FUT9: variants seen among roughly 807,000 people sequenced by gnomAD.
The protein encoded by FUT9 is fucosyltransferase 9.
A neutral mutation model predicts 29.7 loss-of-function variants in FUT9; 15 were observed. The ratio of observed to expected loss-of-function variants is 0.51; its 90% confidence interval spans 0.34 to 0.78. The LOEUF (loss-of-function observed/expected upper bound fraction) is 0.78, where lower values mean the gene tolerates loss of function less well. Ranked by LOEUF, FUT9 falls within the 30% of genes least tolerant of loss-of-function variation. FUT9 has a pLI of 0.01. For synonymous variants in FUT9, 169 were observed against 153.7 expected (o/e 1.10, Z -0.74); for missense variants, 319 against 425.4 (o/e 0.75, Z 2.20).
chr6:96,092,923 G>A (rs1771435326), intron 1 of FUT9, among the ~76,000 whole-genome samples: 1 of 151,838 alleles, frequency 6.6e-6, no homozygotes, highest in African/African-American at 2.4e-5. Flanking sequence ...ACCATGCCTG[G>A]CTAATTAAAA....
intron 2 of FUT9, among the ~76,000 whole-genome samples, chr6:96,183,536 T>C (rs1208793599): frequency 6.6e-6 from 1 of 152,092 alleles, no homozygotes; most frequent in African/African-American, 2.4e-5. Flanking sequence ...TCAGAGGGAA[T>C]GCTTTCAATT....
At chr6:96,021,455 G>T (rs1175010976) in intron 1 of FUT9, among the ~76,000 whole-genome samples, 1 of 151,958 alleles carries the variant, frequency 6.6e-6, no homozygotes, top group Non-Finnish European at 1.5e-5. Flanking sequence ...TACCTTTTAA[G>T]AAACTTAAAT....
rs1014557898 is a variant in FUT9, at chr6:96,211,120, G to A, written c.*6885G>A. On this transcript the variant is annotated 3_prime_UTR_variant, in exon 3 of 3. Coordinates refer to ENST00000302103, the MANE Select transcript of FUT9 (RefSeq NM_006581.4). ...CCGAAGGAACAACATTCAGCAAAAC[G>A]GAAACAAATAAATACAGCATGGAAG... 6.0e-6 allele frequency: 1 copy of A among 166,670 alleles called. No homozygotes were observed. The highest frequency in any genetic ancestry group is 2.4e-5 in the African/African-American group (1 of 41,352). The allele number at this position is 166,670 out of a possible 1,614,324, so 10.3% of individuals were successfully genotyped here.
chr6:96,174,565 T>A (rs1738027712), intron 2 of FUT9, among the ~76,000 whole-genome samples: 2 of 152,078 alleles, frequency 1.3e-5, no homozygotes, highest in South Asian at 4.2e-4. Flanking sequence ...CCTACCAGGA[T>A]TTTTCTTCTG....
rs1554193305 is a variant in FUT9, at chr6:96,110,815, C to CTATTTATTTATTTATT, written c.-97-3214_-97-3199dup. On this transcript the variant is annotated intron_variant, in intron 1 of 2. Coordinates refer to ENST00000302103, the MANE Select transcript of FUT9 (RefSeq NM_006581.4). ...GGACTACAGGTATGCACAAATGTGC[C>CTATTTATTTATTTATT]TATTTATTTATTTATTTATTTATTT... Among the ~76,000 whole-genome samples the CTATTTATTTATTTATT allele has an allele frequency of 1.0e-3, 145 of 145,152 alleles. 1 individual carries two copies. In the Middle Eastern group the frequency reaches 0.01, roughly 10 times the overall value.
chr6:96,139,747 GC>G (rs1772426885), intron 2 of FUT9, among the ~76,000 whole-genome samples: 1 of 152,138 alleles, frequency 6.6e-6, no homozygotes. Flanking sequence ...TGAAGCAACA[GC>G]CTGAGTTGTA....
intron 1 of FUT9, among the ~76,000 whole-genome samples, chr6:96,061,973 G>A (rs1298206894): frequency 1.3e-5 from 2 of 152,060 alleles, no homozygotes; most frequent in African/African-American, 2.4e-5. Flanking sequence ...TCCATACTTT[G>A]GAAGTCAATT....
At chr6:96,077,370 A>G (rs951786491) in intron 1 of FUT9, among the ~76,000 whole-genome samples, 2 of 151,988 alleles carry the variant, frequency 1.3e-5, no homozygotes, top group African/African-American at 4.8e-5. Context: ...ATACAACTTC[A>G]TGTTGTTCTT....
intron 2 of FUT9, among the ~76,000 whole-genome samples, chr6:96,195,849 T>TAGTGAAATATCATATTTC (rs1773615059): frequency 6.6e-6 from 1 of 152,174 alleles, no homozygotes; most frequent in African/African-American, 2.4e-5. Flanking sequence ...CCTGTACTAA[T>TAGTGAAATATCATATTTC]ACTATGATAG....
intron 2 of FUT9, among the ~76,000 whole-genome samples, chr6:96,168,272 G>T (rs1459866095): frequency 6.6e-6 from 1 of 152,174 alleles, no homozygotes; most frequent in Admixed American, 6.5e-5. Context: ...GAGTTCAGGA[G>T]TGATCTGCTC....
chr6:96,044,939 T>C (rs1770537165), intron 1 of FUT9, among the ~76,000 whole-genome samples: 1 of 152,198 alleles, frequency 6.6e-6, no homozygotes, highest in Admixed American at 6.5e-5. Flanking sequence ...CTACCCATCA[T>C]ATAAATATTT....
chr6:96,152,271 A>C (rs965898086), intron 2 of FUT9, among the ~76,000 whole-genome samples: 6 of 152,200 alleles, frequency 3.9e-5, no homozygotes, highest in African/African-American at 1.4e-4. Context: ...CAGCCCAGAC[A>C]TAATCCCTGA....
chr6:96,113,255 T>C (rs1378523372), intron 1 of FUT9, among the ~76,000 whole-genome samples: 1 of 152,118 alleles, frequency 6.6e-6, no homozygotes, highest in East Asian at 1.9e-4. Context: ...TAACTTTTTT[T>C]TGAGACAGAG....
chr6:96,030,921 G>A (rs928492338), intron 1 of FUT9, among the ~76,000 whole-genome samples: 6 of 151,492 alleles, frequency 4.0e-5, no homozygotes, highest in Admixed American at 2.0e-4. Flanking sequence ...GGTTTCGAAG[G>A]GTTAGGGTGG....
chr6:96,182,904 T>C (rs564927893), intron 2 of FUT9, among the ~76,000 whole-genome samples: 2 of 151,998 alleles, frequency 1.3e-5, no homozygotes, highest in African/African-American at 2.4e-5. Flanking sequence ...TTTTGCTTAG[T>C]CTTGCTTCCG....
At chr6:96,018,738 T>C (rs1041112161) in intron 1 of FUT9, among the ~76,000 whole-genome samples, 1 of 152,058 alleles carries the variant, frequency 6.6e-6, no homozygotes, top group Admixed American at 6.6e-5. Context: ...TTGCCATTGG[T>C]TGAATGTTCC....
At chr6:96,090,798 A>G (rs887330094) in intron 1 of FUT9, among the ~76,000 whole-genome samples, 1 of 152,042 alleles carries the variant, frequency 6.6e-6, no homozygotes, top group Non-Finnish European at 1.5e-5. Context: ...TCATATTTGT[A>G]TGTAATTTAA....
chr6:96,130,087 G>A (rs1004432865), intron 2 of FUT9, among the ~76,000 whole-genome samples: 2 of 152,046 alleles, frequency 1.3e-5, no homozygotes, highest in Non-Finnish European at 2.9e-5. Context: ...AGGTGGGAGA[G>A]GGGGTACGAA....
chr6:96,055,616 TTGTTTCTTTATGG>T (rs1166487598), intron 1 of FUT9, among the ~76,000 whole-genome samples: 1 of 151,894 alleles, frequency 6.6e-6, no homozygotes. Context: ...GTTGTACCGG[TTGTTTCTTTATGG>T]TGTGGTCTGT....
Sources: gnomAD v4.1 joint callset for allele counts (sites outside exome capture counted in the v4.1 genomes callset) on GRCh38, gnomAD v4.1.1 for gene constraint, MANE v1.5 for transcripts, NCBI Gene and HGNC (gene_info 2026-07-23, HGNC 2026-07-21) for gene names.